Variants in GPC5 observed in about 807,000 individuals in gnomAD.
The protein encoded by GPC5 is glypican 5.
Under a neutral mutation model 53.9 loss-of-function variants are expected in GPC5, and 47 were observed. The ratio of observed to expected loss-of-function variants is 0.87; its 90% confidence interval spans 0.69 to 1.11. The LOEUF (loss-of-function observed/expected upper bound fraction) is 1.11, where lower values mean the gene tolerates loss of function less well. GPC5 is among the 50% of genes most tolerant of loss of function. The pLI is 0.00. For synonymous variants in GPC5, 286 were observed against 263.3 expected (o/e 1.09, Z -0.84); for missense variants, 748 against 713.1 (o/e 1.05, Z -0.56).
At chr13:92,439,247 A>G (rs377511331) in intron 7 of GPC5, among the ~76,000 whole-genome samples, 220 of 152,322 alleles carry the variant, frequency 1.4e-3, no homozygotes, top group African/African-American at 5.0e-3. Context: ...CAGTTATGCA[A>G]GAAAAGAAAT....
chr13:91,974,212 A>G (rs755312891), intron 6 of GPC5, among the ~76,000 whole-genome samples: 14 of 152,168 alleles, frequency 9.2e-5, no homozygotes, highest in Non-Finnish European at 1.9e-4. Context: ...CTGGCACAAG[A>G]CAGGGATGAC....
intron 1 of GPC5, among the ~76,000 whole-genome samples, chr13:91,423,651 C>T (rs987754330): frequency 7.9e-5 from 12 of 152,058 alleles, no homozygotes; most frequent in Non-Finnish European, 1.5e-4. Context: ...GGAATAAGTT[C>T]TAGGGATCTA....
intron 7 of GPC5, among the ~76,000 whole-genome samples, chr13:92,653,909 A>G (rs1886040538): frequency 6.6e-6 from 1 of 152,208 alleles, no homozygotes; most frequent in Admixed American, 6.5e-5. Context: ...AAACTCAGTG[A>G]AGTATGAGAA....
chr13:91,879,223 G>T (rs1345091880), intron 5 of GPC5, among the ~76,000 whole-genome samples: 1 of 152,108 alleles, frequency 6.6e-6, no homozygotes, highest in Non-Finnish European at 1.5e-5. Context: ...TACCATGGTG[G>T]TTTCTTATTT....
intron 6 of GPC5, among the ~76,000 whole-genome samples, chr13:91,992,616 C>G (rs987868459): frequency 6.6e-6 from 1 of 152,018 alleles, no homozygotes; most frequent in Admixed American, 6.6e-5. Flanking sequence ...AGCCACCATG[C>G]CTGGCTAATT....
intron 7 of GPC5, among the ~76,000 whole-genome samples, chr13:92,333,084 C>G (rs1163308481): frequency 6.6e-6 from 1 of 152,114 alleles, no homozygotes; most frequent in Non-Finnish European, 1.5e-5. Flanking sequence ...GGAATGAGTA[C>G]TGGGGTTGTA....
chr13:91,834,425 C>G (rs557046438), intron 5 of GPC5, among the ~76,000 whole-genome samples: 1 of 152,172 alleles, frequency 6.6e-6, no homozygotes, highest in South Asian at 2.1e-4. Flanking sequence ...CAAAAAAGAG[C>G]CCACACAGCC....
At chr13:92,059,569 A>G (rs1414957014) in intron 6 of GPC5, among the ~76,000 whole-genome samples, 1 of 152,058 alleles carries the variant, frequency 6.6e-6, no homozygotes, top group African/African-American at 2.4e-5. Context: ...ACTCAATAGT[A>G]TATTATTGAG....
intron 7 of GPC5, among the ~76,000 whole-genome samples, chr13:92,427,555 A>G (rs1028339618): frequency 6.6e-6 from 1 of 151,878 alleles, no homozygotes; most frequent in Non-Finnish European, 1.5e-5. Flanking sequence ...TTCTGATAGT[A>G]ATTGTAGAAA....
intron 7 of GPC5, among the ~76,000 whole-genome samples, chr13:92,348,907 T>C (rs957120402): frequency 1.3e-5 from 2 of 152,086 alleles, no homozygotes; most frequent in African/African-American, 4.8e-5. Context: ...CCAAAACTTA[T>C]GGAATACAGC....
chr13:92,028,612 C>A (rs970755489), intron 6 of GPC5, among the ~76,000 whole-genome samples: 1 of 152,098 alleles, frequency 6.6e-6, no homozygotes, highest in African/African-American at 2.4e-5. Flanking sequence ...TTCAGCCTAA[C>A]GTTTACTTCA....
At chr13:91,423,103 C>A (rs1878760151) in intron 1 of GPC5, among the ~76,000 whole-genome samples, 1 of 152,098 alleles carries the variant, frequency 6.6e-6, no homozygotes, top group African/African-American at 2.4e-5. Flanking sequence ...AGAAATAATT[C>A]TTGGTAAAAA....
intron 2 of GPC5, among the ~76,000 whole-genome samples, chr13:91,508,954 A>G (rs1885091325): frequency 6.6e-6 from 1 of 152,152 alleles, no homozygotes; most frequent in Non-Finnish European, 1.5e-5. Flanking sequence ...CCTGACCTCA[A>G]AGCTTGTGTT....
At chr13:92,290,498 C>T (rs1031788553) in intron 7 of GPC5, among the ~76,000 whole-genome samples, 15 of 152,090 alleles carry the variant, frequency 9.9e-5, no homozygotes, top group Non-Finnish European at 1.5e-4. Flanking sequence ...CTGACCCTTT[C>T]CCCAAGTCCC....
At position 92,631,565 on chromosome 13, in the gene GPC5, G is replaced by A. The variant is rs116179098; in HGVS notation, c.1562-234717G>A. Among the ~76,000 whole-genome samples, 451 of 152,162 alleles carry A rather than the reference G, an allele frequency of 3.0e-3. 1 individual carries two copies. The highest frequency in any genetic ancestry group is 0.01 in the African/African-American group (434 of 41,520). On this transcript the variant is annotated intron_variant, in intron 7 of 7. Transcript: ENST00000377067. Reference sequence around the variant, plus strand: ...TGTTCTCTGTACATCAAAGGAGGGGGATAATAAAAACTGTAGCTATTAGGT... The same window carrying A: ...TGTTCTCTGTACATCAAAGGAGGGGAATAATAAAAACTGTAGCTATTAGGT...
intron 5 of GPC5, among the ~76,000 whole-genome samples, chr13:91,780,298 G>A (rs1209188405): frequency 6.6e-6 from 1 of 152,136 alleles, no homozygotes; most frequent in Non-Finnish European, 1.5e-5. Context: ...TGTCAGGAAT[G>A]TTCTTTACCC....
chr13:92,640,892 A>G (rs1885574054), intron 7 of GPC5, among the ~76,000 whole-genome samples: 1 of 151,902 alleles, frequency 6.6e-6, no homozygotes, highest in South Asian at 2.1e-4. Flanking sequence ...AGATATATGC[A>G]TACATAAATA....
intron 7 of GPC5, among the ~76,000 whole-genome samples, chr13:92,849,318 T>C (rs918722660): frequency 6.6e-6 from 1 of 152,188 alleles, no homozygotes; most frequent in Non-Finnish European, 1.5e-5. Flanking sequence ...AAGAATAATG[T>C]ACACAGAATA....
At chr13:92,714,538 C>A (rs1417583123) in intron 7 of GPC5, among the ~76,000 whole-genome samples, 4 of 152,190 alleles carry the variant, frequency 2.6e-5, no homozygotes, top group Non-Finnish European at 5.9e-5. Context: ...ACTGACAAAG[C>A]TTTTCTACCT....
Sources: gnomAD v4.1 joint callset for allele counts (sites outside exome capture counted in the v4.1 genomes callset) on GRCh38, gnomAD v4.1.1 for gene constraint, MANE v1.5 for transcripts, NCBI Gene and HGNC (gene_info 2026-07-23, HGNC 2026-07-21) for gene names.